Variants in TDRD9 observed in about 807,000 individuals in gnomAD.
TDRD9 encodes the protein ATP-dependent RNA helicase TDRD9.
A neutral mutation model predicts 172.6 loss-of-function variants in TDRD9; 124 were observed. The ratio of observed to expected loss-of-function variants is 0.72; its 90% CI spans 0.62 to 0.83. The LOEUF (loss-of-function observed/expected upper bound fraction) is 0.83, where lower values mean the gene tolerates loss of function less well. Ranked by LOEUF, TDRD9 falls within the 40% of genes least tolerant of loss-of-function variation. TDRD9 has a pLI of 0.00. For missense variants in TDRD9, 1,479 were observed against 1,714.1 expected, an observed-to-expected ratio of 0.86 and a Z score of 2.42; for synonymous variants, 619 against 617.1, an observed-to-expected ratio of 1.00 and a Z score of -0.05.
At position 103,928,513 on chromosome 14, in the gene TDRD9, C is replaced by A. The variant is rs9324066; in HGVS notation, c.4C>A (p.Leu2Met). ...TGCCGACGCCTGGGCCTTGAGGATGCTGCGGAAGCTCACCATCGAGCAGAT... is the reference window on the plus strand; with the variant it reads ...TGCCGACGCCTGGGCCTTGAGGATGATGCGGAAGCTCACCATCGAGCAGAT... Reference protein sequence around the residue: MLRKLTIEQIND... With the variant: MMRKLTIEQIND... The change falls in exon 1 of 36, where the codon CTG becomes ATG. Residue 2 changes from leucine (L) to methionine (M), a missense_variant. Transcript: ENST00000409874. The A allele has an allele frequency of 7.0e-7, 1 of 1,425,968 alleles. No individual in the cohort carries two copies. Among genetic ancestry groups the A allele is most frequent in the Non-Finnish European group, 9.3e-7 (1 of 1,079,242 alleles). 88.3% of individuals were successfully genotyped at this position (1,425,968 alleles called of 1,614,324 possible).
At chr14:103,964,504 A>G (rs8003075) in intron 3 of TDRD9, among the ~76,000 whole-genome samples, 65,652 of 151,656 alleles carry the variant, frequency 0.43, 14,415 homozygotes, top group Admixed American at 0.51. Context: ...ACTAGTTACT[A>G]TTTTTTTTGT....
chr14:103,932,497 G>T (rs1447646914), intron 1 of TDRD9, among the ~76,000 whole-genome samples: 1 of 152,066 alleles, frequency 6.6e-6, no homozygotes, highest in South Asian at 2.1e-4. Flanking sequence ...ACACCATTCT[G>T]CTGCCTCAGC....
chr14:104,040,167 A>T, intron 32 of TDRD9, 29 bp from the exon 33 acceptor site: 6 of 1,395,376 alleles, frequency 4.3e-6, no homozygotes, highest in Non-Finnish European at 5.6e-6. Context: ...TTCTGAAATA[A>T]TGGACTCTTC....
chr14:103,995,846 A>G, intron 12 of TDRD9, 39 bp downstream of exon 12: 1 of 1,552,350 alleles, frequency 6.4e-7, no homozygotes. Context: ...CATTAGCTGT[A>G]GTGCCATATT....
intron 23 of TDRD9, 22 bp from the exon 24 acceptor site, chr14:104,022,135 T>A: frequency 1.3e-6 from 2 of 1,538,658 alleles, no homozygotes; most frequent in Admixed American, 4.2e-5. Flanking sequence ...AATTTATTTT[T>A]AAATTTACAT....
rs1595925992 is a variant in TDRD9 at position 103,968,134 on chromosome 14, G to A, written c.765+1303G>A. Among the ~76,000 whole-genome samples, 4 of 149,078 alleles carry A rather than the reference G, an allele frequency of 2.7e-5. No homozygotes were observed. The South Asian group carries it at 6.4e-4, about 24-fold the overall frequency. ...ACACAGATAAATCCATCAATGCTGT[G>A]TTACTGACTATATCCTTTTCTCAAG... On this transcript the variant is annotated intron_variant, in intron 5 of 35. Transcript: ENST00000409874.
rs78528747 is a variant in TDRD9 at position 103,980,053 on chromosome 14, T to A, written c.1011+4500T>A. Among the ~76,000 whole-genome samples, 759 of 151,998 alleles carry A rather than the reference T, an allele frequency of 5.0e-3. 3 individuals are homozygous for A. Among genetic ancestry groups the A allele is most frequent in the African/African-American group, 9.1e-3 (376 of 41,412 alleles). On this transcript the variant is annotated intron_variant, in intron 7 of 35. Transcript: ENST00000409874. This position sits in a 1 kb window ranked among gnomAD's most constrained non-coding sequence, Gnocchi z 4.5. ...ACCATGCTTGGCTAATTAAAAAAAA[T>A]TTTTTTGTGGAGATAGGGTCTTGCT...
At chr14:103,985,291 A>C (rs2033619790) in intron 7 of TDRD9, among the ~76,000 whole-genome samples, 1 of 152,074 alleles carries the variant, frequency 6.6e-6, no homozygotes, top group Admixed American at 6.6e-5. Flanking sequence ...CTGTTATGGG[A>C]GGGACCCAGT....
At chr14:104,025,957 A>T in intron 26 of TDRD9, 90 bp from the exon 27 acceptor site, 1 of 1,009,070 alleles carries the variant, frequency 9.9e-7, no homozygotes, top group Non-Finnish European at 1.5e-6. Flanking sequence ...CTATAATTAT[A>T]GGATTAGAGC....
rs770006747 is a variant in TDRD9, at chr14:104,006,677, A to T, written c.1911A>T (p.Ala637=). Residue 637 remains alanine, a synonymous_variant, in exon 17 of 36, where the codon GCA becomes GCT. Transcript: ENST00000409874. ...CTCTTTCTTTGAAGAATTTTTTTGCAATGCCTTTCCGGCAGCATCTCGATG... is the reference window on the plus strand; with the variant it reads ...CTCTTTCTTTGAAGAATTTTTTTGCTATGCCTTTCCGGCAGCATCTCGATG... ...AAALSLKNFF[A]MPFRQHLDGY... 1 of 1,613,886 alleles carries T rather than the reference A, an allele frequency of 6.2e-7. No individual in the cohort carries two copies. The highest frequency in any genetic ancestry group is 1.1e-5 in the South Asian group (1 of 91,060).
chr14:104,046,585 C>A (rs938379398), intron 34 of TDRD9, among the ~76,000 whole-genome samples: 4 of 152,142 alleles, frequency 2.6e-5, no homozygotes, highest in African/African-American at 9.7e-5. Flanking sequence ...TTATATCTAT[C>A]TTTGTACCAG....
chr14:103,967,455 A>T (rs969434258), intron 5 of TDRD9, among the ~76,000 whole-genome samples: 1 of 150,138 alleles, frequency 6.7e-6, no homozygotes, highest in Non-Finnish European at 1.5e-5. Context: ...AACCTGGGAG[A>T]TGGAGGTTGC....
At chr14:104,008,054 C>T (rs1211896902) in intron 19 of TDRD9, among the ~76,000 whole-genome samples, 4 of 152,204 alleles carry the variant, frequency 2.6e-5, no homozygotes, top group Non-Finnish European at 4.4e-5. Context: ...GGTGGGATTA[C>T]AGGCGTGAAC....
chr14:103,950,797 G>T (rs1480637087), intron 1 of TDRD9, among the ~76,000 whole-genome samples: 2 of 152,190 alleles, frequency 1.3e-5, no homozygotes, highest in Admixed American at 6.5e-5. Flanking sequence ...AGCCAGGGAA[G>T]GCCATGAAGA....
intron 7 of TDRD9, among the ~76,000 whole-genome samples, chr14:103,978,571 C>G (rs1051859539): frequency 2.0e-5 from 3 of 152,192 alleles, no homozygotes; most frequent in African/African-American, 4.8e-5. Flanking sequence ...TTAGGCTCCT[C>G]TTGGCTGTGG....
chr14:103,975,208 G>C (rs565796456), intron 6 of TDRD9, among the ~76,000 whole-genome samples, 181 bp from the exon 7 acceptor site: 10 of 152,276 alleles, frequency 6.6e-5, no homozygotes, highest in Non-Finnish European at 1.2e-4. Flanking sequence ...GTAAAAGTTG[G>C]TATCTCTGAA....
chr14:104,005,073 T>A (rs2034391469), intron 14 of TDRD9: 2 of 434,590 alleles, frequency 4.6e-6, no homozygotes, highest in South Asian at 1.0e-4. Context: ...CTCCCCATCT[T>A]TTTATTTTTC....
intron 2 of TDRD9, among the ~76,000 whole-genome samples, chr14:103,961,082 C>T (rs1283142789): frequency 2.0e-5 from 3 of 152,136 alleles, no homozygotes; most frequent in Non-Finnish European, 2.9e-5. Context: ...TTCTCTCAGT[C>T]CAGTTCACAA....
chr14:103,940,857 T>C, intron 1 of TDRD9: 1 of 1,535,268 alleles, frequency 6.5e-7, no homozygotes, highest in Non-Finnish European at 8.7e-7. Flanking sequence ...GTGAGAACAC[T>C]GGGAACCTGT....
Sources: allele counts gnomAD v4.1 joint callset (sites outside exome capture counted in the v4.1 genomes callset), GRCh38; gene constraint gnomAD v4.1.1; non-coding constraint Gnocchi (gnomAD v3.1); transcripts MANE v1.5; gene names NCBI Gene and HGNC (gene_info 2026-07-23, HGNC 2026-07-21).